The following NR3C1 variants were observed in gnomAD, a reference collection of about 807,000 sequenced individuals.
The protein encoded by NR3C1 is nuclear receptor subfamily 3 group C member 1.
A neutral mutation model predicts 74.0 loss-of-function variants in NR3C1; 14 were observed. That is an observed-to-expected ratio of 0.19 (90% CI 0.12 to 0.30). NR3C1 has a LOEUF of 0.30. Ranked by LOEUF, NR3C1 falls within the 10% of genes least tolerant of loss-of-function variation. The pLI is 1.00. For synonymous variants in NR3C1, 308 were observed against 332.5 expected (o/e 0.93, Z 0.80); for missense variants, 695 against 909.8 (o/e 0.76, Z 3.04).
At chr5:143,385,280 C>G (rs1013885494) in intron 2 of NR3C1, among the ~76,000 whole-genome samples, 5 of 152,210 alleles carry the variant, frequency 3.3e-5, no homozygotes, top group African/African-American at 1.2e-4. Context: ...CCATGAAGGT[C>G]TCTGACATGC....
intron 1 of NR3C1, among the ~76,000 whole-genome samples, chr5:143,426,594 G>C (rs1751541340): frequency 6.6e-6 from 1 of 152,196 alleles, no homozygotes; most frequent in Admixed American, 6.5e-5. Flanking sequence ...GCCAAGGGAA[G>C]GCCAAGCTTA....
intron 1 of NR3C1, among the ~76,000 whole-genome samples, chr5:143,421,028 G>T (rs1751205313): frequency 6.6e-6 from 1 of 151,714 alleles, no homozygotes; most frequent in Non-Finnish European, 1.5e-5. Context: ...CTTTTTTTAT[G>T]TGGTAATTTT....
intron 2 of NR3C1, among the ~76,000 whole-genome samples, chr5:143,397,154 C>T (rs1210511695): frequency 6.6e-6 from 1 of 151,664 alleles, no homozygotes; most frequent in Non-Finnish European, 1.5e-5. Context: ...TTCCCACCCC[C>T]AGAGAATAAA....
chr5:143,412,488 C>T (rs902893546), intron 1 of NR3C1, among the ~76,000 whole-genome samples: 3 of 152,112 alleles, frequency 2.0e-5, no homozygotes, highest in South Asian at 2.1e-4. Context: ...CTGTGTTACA[C>T]ATATATTGCT....
chr5:143,326,047 C>T (rs2151674438), intron 2 of NR3C1, among the ~76,000 whole-genome samples: 1 of 152,288 alleles, frequency 6.6e-6, no homozygotes, highest in South Asian at 2.1e-4. Context: ...AGGTACAGTA[C>T]ACAAATAAAT....
At chr5:143,350,873 A>T (rs910571378) in intron 2 of NR3C1, among the ~76,000 whole-genome samples, 2 of 152,214 alleles carry the variant, frequency 1.3e-5, no homozygotes, top group African/African-American at 2.4e-5. Context: ...CCTGGTGTCT[A>T]GCACAGGGCT....
chr5:143,334,403 C>T (rs1026921467), intron 2 of NR3C1, among the ~76,000 whole-genome samples: 1 of 152,136 alleles, frequency 6.6e-6, no homozygotes, highest in Non-Finnish European at 1.5e-5. Context: ...AAGACAGTAG[C>T]TTATGTTCAT....
At chr5:143,325,096 T>C (rs1257425424) in intron 2 of NR3C1, among the ~76,000 whole-genome samples, 1 of 152,178 alleles carries the variant, frequency 6.6e-6, no homozygotes, top group Admixed American at 6.5e-5. Flanking sequence ...CATTTTTGGG[T>C]ATCTTTTCAG....
At position 143,325,559 on chromosome 5, in the gene NR3C1, T is replaced by C. The variant is rs10477204; in HGVS notation, c.1185-11391A>G. 4.2e-3 allele frequency among the ~76,000 whole-genome samples: 643 copies of C among 152,338 alleles called. 2 individuals are homozygous for C. Among genetic ancestry groups the C allele is most frequent in the African/African-American group, 0.015 (617 of 41,578 alleles). ...GTGTTCAAGTAACCCTTATTTTACT[T>C]AATGGTGGCCCTAAAGCACAAGAAT... On this transcript the variant is annotated intron_variant, in intron 2 of 8. Transcript: ENST00000394464.
At chr5:143,414,815 T>C (rs1841426672) in intron 1 of NR3C1, among the ~76,000 whole-genome samples, 1 of 152,224 alleles carries the variant, frequency 6.6e-6, no homozygotes, top group African/African-American at 2.4e-5. Flanking sequence ...GCTATATTAG[T>C]ACATTTCCAC....
chr5:143,378,061 G>A (rs1835529279), intron 2 of NR3C1, among the ~76,000 whole-genome samples: 1 of 150,876 alleles, frequency 6.6e-6, no homozygotes, highest in Admixed American at 6.6e-5. Context: ...ACCAGCCTGG[G>A]CAACAGAGCA....
At position 143,418,873 on chromosome 5, in the gene NR3C1, A is replaced by G. The variant is rs74835946; in HGVS notation, c.-14+15659T>C. Among the ~76,000 whole-genome samples, 975 of 152,200 alleles carry G rather than the reference A, an allele frequency of 6.4e-3. 8 individuals carry two copies. Among genetic ancestry groups the G allele is most frequent in the African/African-American group, 0.022 (926 of 41,514 alleles). ...CAAGTTGTGTGACCTTGACCTAGTT[A>G]CCTCTGTTTCCTCATCTACTAAGTA... On this transcript the variant is annotated intron_variant, in intron 1 of 8. Coordinates refer to the NR3C1 transcript ENST00000343796.
intron 2 of NR3C1, among the ~76,000 whole-genome samples, chr5:143,351,105 G>A (rs957843167): frequency 2.6e-5 from 4 of 152,140 alleles, no homozygotes; most frequent in Admixed American, 6.5e-5. Flanking sequence ...CTTCTTGCCA[G>A]ACCTTTAGTA....
rs1839974591 is a variant in NR3C1 at position 143,400,075 on chromosome 5, G to A, written c.765C>T (p.Pro255=). ...CCAGATCTCCATTATCCTTAATTTT[G>A]GGTTTAGTGTCCGGTAAAATGAGAG... ...CKPLILPDTK[P]KIKDNGDLVL... The change falls in exon 2 of 9, where the codon CCC becomes CCT. Residue 255 remains proline (P), a synonymous_variant. Coordinates refer to ENST00000394464, the MANE Select transcript of NR3C1 (RefSeq NM_000176.3). The A allele has an allele frequency of 6.2e-7, 1 of 1,614,034 alleles. No homozygotes were observed. Among genetic ancestry groups the A allele is most frequent in the Non-Finnish European group, 8.5e-7 (1 of 1,180,032 alleles).
intron 2 of NR3C1, among the ~76,000 whole-genome samples, chr5:143,321,159 A>C (rs1823284332): frequency 6.6e-6 from 1 of 152,214 alleles, no homozygotes; most frequent in Non-Finnish European, 1.5e-5. Flanking sequence ...GAAGGCAAGA[A>C]CATGTTGGAG....
intron 2 of NR3C1, among the ~76,000 whole-genome samples, chr5:143,320,673 G>A (rs1480257409): frequency 6.6e-6 from 1 of 152,194 alleles, no homozygotes; most frequent in African/African-American, 2.4e-5. Context: ...TTTATTTGTA[G>A]AGAGAATATA....
intron 2 of NR3C1, among the ~76,000 whole-genome samples, chr5:143,396,637 T>G (rs1195822814): frequency 6.6e-6 from 1 of 151,822 alleles, no homozygotes; most frequent in African/African-American, 2.4e-5. Flanking sequence ...CGATTACTAA[T>G]GAGACATTAA....
chr5:143,293,432 G>A (rs764081719), intron 7 of NR3C1, among the ~76,000 whole-genome samples: 1 of 152,090 alleles, frequency 6.6e-6, no homozygotes, highest in Non-Finnish European at 1.5e-5. Context: ...TACACTGCTC[G>A]GGTGATGGGT....
At chr5:143,345,664 T>C (rs562738752) in intron 2 of NR3C1, among the ~76,000 whole-genome samples, 1 of 152,314 alleles carries the variant, frequency 6.6e-6, no homozygotes, top group Non-Finnish European at 1.5e-5. Context: ...AATTTTCACT[T>C]TGCAAATATT....
Sources: gnomAD v4.1 joint callset for allele counts (sites outside exome capture counted in the v4.1 genomes callset) on GRCh38, gnomAD v4.1.1 for gene constraint, MANE v1.5 for transcripts, NCBI Gene and HGNC (gene_info 2026-07-23, HGNC 2026-07-21) for gene names.